GALNT13: variants seen among roughly 807,000 people sequenced by gnomAD.
The protein encoded by GALNT13 is polypeptide N-acetylgalactosaminyltransferase 13, also known as UDP-GalNAc:polypeptide N-acetylgalactosaminyltransferase 13.
Under a neutral mutation model 64.2 loss-of-function variants are expected in GALNT13, and 28 were observed. That is an observed-to-expected ratio of 0.44 (90% CI 0.32 to 0.60). GALNT13 has a LOEUF of 0.60. GALNT13 is among the 20% of genes least tolerant of loss of function. GALNT13 has a pLI of 0.05. For synonymous variants in GALNT13, 214 were observed against 224.6 expected (o/e 0.95, Z 0.42); for missense variants, 577 against 669.8 (o/e 0.86, Z 1.53).
At chr2:153,603,021 A>T in the GALNT13 span, among the ~76,000 whole-genome samples, 1 of 151,854 alleles carries the variant, frequency 6.6e-6, no homozygotes, top group African/African-American at 2.4e-5. Flanking sequence ...TTGACTATTC[A>T]TCTGAAAAAT....
the GALNT13 span, among the ~76,000 whole-genome samples, chr2:153,181,354 T>C: frequency 6.8e-6 from 1 of 146,268 alleles, no homozygotes; most frequent in South Asian, 2.1e-4. Flanking sequence ...ATACCATTAC[T>C]GTCAAAAAAA....
chr2:153,345,043 T>C, the GALNT13 span, among the ~76,000 whole-genome samples: 1 of 152,206 alleles, frequency 6.6e-6, no homozygotes, highest in Non-Finnish European at 1.5e-5. Flanking sequence ...CTAGGAGATA[T>C]GAATTTCAAT....
the GALNT13 span, among the ~76,000 whole-genome samples, chr2:153,575,916 G>A: frequency 2.0e-5 from 3 of 152,250 alleles, no homozygotes; most frequent in Admixed American, 2.0e-4. Flanking sequence ...TAGTACCTGG[G>A]TATTACTTCT....
chr2:154,335,818 C>T (rs1313423871), intron 9 of GALNT13, among the ~76,000 whole-genome samples: 1 of 152,000 alleles, frequency 6.6e-6, no homozygotes, highest in Non-Finnish European at 1.5e-5. Context: ...CCATTCTTAA[C>T]ATGTAAATTA....
chr2:153,442,880 G>A, the GALNT13 span, among the ~76,000 whole-genome samples: 1 of 152,156 alleles, frequency 6.6e-6, no homozygotes, highest in South Asian at 2.1e-4. Context: ...CCTCAGTAAT[G>A]GTGGACAGCC....
intron 2 of GALNT13, among the ~76,000 whole-genome samples, chr2:153,939,459 T>C (rs916883491): frequency 3.9e-5 from 6 of 152,182 alleles, no homozygotes; most frequent in Non-Finnish European, 8.8e-5. Context: ...AATCATATGA[T>C]ACCTATTTAC....
intron 12 of GALNT13, among the ~76,000 whole-genome samples, chr2:154,440,794 A>T (rs1244946456): frequency 6.6e-6 from 1 of 152,202 alleles, no homozygotes; most frequent in Non-Finnish European, 1.5e-5. Flanking sequence ...AATAAATGAC[A>T]TGAGAATAGA....
chr2:153,851,876 A>T, the GALNT13 span, among the ~76,000 whole-genome samples: 1 of 152,210 alleles, frequency 6.6e-6, no homozygotes, highest in Non-Finnish European at 1.5e-5. Flanking sequence ...AGCATTGAGG[A>T]AACAAAATGT....
the GALNT13 span, among the ~76,000 whole-genome samples, chr2:153,540,357 A>G: frequency 6.6e-6 from 1 of 152,248 alleles, no homozygotes; most frequent in Non-Finnish European, 1.5e-5. Flanking sequence ...CAGAGGATGT[A>G]TGGAAACATC....
chr2:153,928,889 G>A (rs1342980386), intron 2 of GALNT13, among the ~76,000 whole-genome samples: 1 of 152,108 alleles, frequency 6.6e-6, no homozygotes, highest in Non-Finnish European at 1.5e-5. Context: ...CAGGACATCT[G>A]CCTTATAAAA....
At chr2:153,507,307 G>T in the GALNT13 span, among the ~76,000 whole-genome samples, 1 of 151,676 alleles carries the variant, frequency 6.6e-6, no homozygotes, top group African/African-American at 2.4e-5. Context: ...TTTGGAGATG[G>T]AGTCTCACTC....
the GALNT13 span, among the ~76,000 whole-genome samples, chr2:153,656,235 C>A: frequency 6.6e-6 from 1 of 151,934 alleles, no homozygotes; most frequent in African/African-American, 2.4e-5. Context: ...AGACAATGAG[C>A]ACACATTTCA....
At chr2:154,356,866 G>C (rs1696780282) in intron 9 of GALNT13, among the ~76,000 whole-genome samples, 1 of 151,830 alleles carries the variant, frequency 6.6e-6, no homozygotes, top group East Asian at 1.9e-4. Context: ...TGATAACCAT[G>C]TACTACCTAT....
At chr2:153,700,736 T>C in the GALNT13 span, among the ~76,000 whole-genome samples, 1 of 151,786 alleles carries the variant, frequency 6.6e-6, no homozygotes, top group Non-Finnish European at 1.5e-5. Flanking sequence ...CGATCCCCTA[T>C]CCACAATTGC....
chr2:153,080,661 A>G, the GALNT13 span, among the ~76,000 whole-genome samples: 1 of 152,084 alleles, frequency 6.6e-6, no homozygotes, highest in East Asian at 1.9e-4. Context: ...TAGGTTTTCT[A>G]TAGTCTTACA....
intron 4 of GALNT13, among the ~76,000 whole-genome samples, chr2:154,153,480 A>C (rs900890837): frequency 6.6e-6 from 1 of 152,162 alleles, no homozygotes; most frequent in Non-Finnish European, 1.5e-5. Context: ...AGGGACATTT[A>C]AGTCTGCAGA....
chr2:154,093,026 A>G (rs1701895998), intron 3 of GALNT13, among the ~76,000 whole-genome samples: 2 of 152,046 alleles, frequency 1.3e-5, no homozygotes, highest in African/African-American at 4.8e-5. Context: ...AAAAATTTAA[A>G]ATATAAATTT....
intron 12 of GALNT13, among the ~76,000 whole-genome samples, chr2:154,447,956 C>T (rs1375327731): frequency 6.6e-6 from 1 of 152,012 alleles, no homozygotes; most frequent in Non-Finnish European, 1.5e-5. Context: ...GCAGAGACCA[C>T]AGAGTGCTTC....
At chr2:153,581,906 T>C in the GALNT13 span, among the ~76,000 whole-genome samples, 1 of 152,130 alleles carries the variant, frequency 6.6e-6, no homozygotes, top group Non-Finnish European at 1.5e-5. Flanking sequence ...TCAAGGTCCT[T>C]TGAACTTTGC....
Sources: gnomAD v4.1 joint callset for allele counts (sites outside exome capture counted in the v4.1 genomes callset) on GRCh38, gnomAD v4.1.1 for gene constraint, MANE v1.5 for transcripts, NCBI Gene and HGNC (gene_info 2026-07-23, HGNC 2026-07-21) for gene names.